Variants in RCAN2 observed in about 807,000 individuals in gnomAD.
RCAN2 encodes the protein calcipressin-2.
RCAN2 carries 9 observed loss-of-function variants against 23.6 expected under a neutral mutation model. That is an observed-to-expected ratio of 0.38 (90% CI 0.23 to 0.67). RCAN2 has a LOEUF of 0.67. Among genes scored for constraint, RCAN2 ranks in the 30% least tolerant of loss-of-function variants. RCAN2 has a pLI of 0.51. For synonymous variants in RCAN2, 109 were observed against 115.7 expected (o/e 0.94, Z 0.37); for missense variants, 273 against 302.3 (o/e 0.90, Z 0.72).
At chr6:46,256,382 T>TAAATAAAATA (rs78198715) in intron 2 of RCAN2, among the ~76,000 whole-genome samples, 101,015 of 147,676 alleles carry the variant, frequency 0.68, 35,929 homozygotes, top group Non-Finnish European at 0.79. Context: ...AAAAGAAAAA[T>TAAATAAAATA]AAATAAAATA....
At chr6:46,316,828 T>G (rs565910568) in intron 2 of RCAN2, among the ~76,000 whole-genome samples, 1 of 152,328 alleles carries the variant, frequency 6.6e-6, no homozygotes, top group Admixed American at 6.5e-5. Context: ...AGTAAAGTCA[T>G]AGAAGATGAA....
chr6:46,408,138 C>CGCCTCTGTCAGATACCTCA (rs1363706716), intron 2 of RCAN2, among the ~76,000 whole-genome samples: 1 of 152,160 alleles, frequency 6.6e-6, no homozygotes, highest in Non-Finnish European at 1.5e-5. Context: ...TTTTCAAGGG[C>CGCCTCTGTCAGATACCTCA]GCCTCTGTCA....
At chr6:46,350,868 C>T (rs1160786684) in intron 2 of RCAN2, among the ~76,000 whole-genome samples, 2 of 152,206 alleles carry the variant, frequency 1.3e-5, no homozygotes, top group East Asian at 3.9e-4. Context: ...GGGAGTCAAA[C>T]CCCAAAAGTC....
chr6:46,474,541 C>T (rs550107351), intron 1 of RCAN2, among the ~76,000 whole-genome samples: 4 of 152,172 alleles, frequency 2.6e-5, no homozygotes, highest in Non-Finnish European at 4.4e-5. Flanking sequence ...CCACCTAAGC[C>T]GCCATCAACA....
intron 2 of RCAN2, among the ~76,000 whole-genome samples, chr6:46,446,275 G>C (rs2150425764): frequency 6.8e-6 from 1 of 146,380 alleles, no homozygotes; most frequent in Middle Eastern, 3.4e-3. Flanking sequence ...TATATTCAAA[G>C]TGATAACCCA....
chr6:46,444,104 G>A (rs6934211), intron 2 of RCAN2, among the ~76,000 whole-genome samples: 1 of 152,148 alleles, frequency 6.6e-6, no homozygotes. Flanking sequence ...GCCTTGAAGG[G>A]CTTCAGGGTC....
intron 2 of RCAN2, among the ~76,000 whole-genome samples, chr6:46,337,022 T>C (rs1764166139): frequency 6.6e-6 from 1 of 151,204 alleles, no homozygotes; most frequent in African/African-American, 2.4e-5. Context: ...GGGTAGATCA[T>C]GGTAACTGTA....
chr6:46,283,802 G>C (rs1271233277), intron 2 of RCAN2, among the ~76,000 whole-genome samples: 1 of 152,172 alleles, frequency 6.6e-6, no homozygotes, highest in Non-Finnish European at 1.5e-5. Context: ...TTAAATATAA[G>C]TATGAATATT....
intron 2 of RCAN2, among the ~76,000 whole-genome samples, chr6:46,271,780 C>T (rs561487889): frequency 1.2e-4 from 18 of 152,214 alleles, no homozygotes; most frequent in Non-Finnish European, 2.1e-4. Flanking sequence ...ATAATGTTCA[C>T]GATTATTCTG....
At chr6:46,461,196 A>T (rs771419667) in intron 1 of RCAN2, among the ~76,000 whole-genome samples, 1 of 152,216 alleles carries the variant, frequency 6.6e-6, no homozygotes, top group Non-Finnish European at 1.5e-5. Flanking sequence ...ATTTTTAAAC[A>T]AAATGGGGGT....
intron 2 of RCAN2, among the ~76,000 whole-genome samples, chr6:46,367,036 T>G (rs1233824824): frequency 8.3e-6 from 1 of 120,952 alleles, no homozygotes; most frequent in African/African-American, 2.9e-5. Flanking sequence ...TATATATATA[T>G]ATATATATAT....
At chr6:46,285,470 T>C (rs746113956) in intron 2 of RCAN2, among the ~76,000 whole-genome samples, 8 of 152,122 alleles carry the variant, frequency 5.3e-5, no homozygotes, top group Non-Finnish European at 1.2e-4. Context: ...AAGTCGCAAA[T>C]AAAGAGGTTC....
rs560657618 is a variant in RCAN2, at chr6:46,380,787, T to A, written c.225+75965A>T. ...TACCTGCCCTTTTAGTTTGGTAGGA[T>A]AATTATGTAGATGTAAAGAGATAAC... is the stretch of plus-strand genomic sequence containing the variant. On this transcript the variant is annotated intron_variant, in intron 2 of 4. Coordinates refer to ENST00000371374, the MANE Select transcript of RCAN2 (RefSeq NM_001251974.2). Among the ~76,000 whole-genome samples the A allele has an allele frequency of 1.5e-4, 23 of 152,324 alleles. 1 individual carries two copies. The East Asian group carries it at 4.4e-3, about 29-fold the overall frequency.
chr6:46,357,871 A>G (rs1764889787), intron 2 of RCAN2, among the ~76,000 whole-genome samples: 1 of 152,190 alleles, frequency 6.6e-6, no homozygotes, highest in Non-Finnish European at 1.5e-5. Flanking sequence ...AATTTAAAGT[A>G]CTTTCGCTTT....
chr6:46,411,550 GA>G (rs1766550175), intron 2 of RCAN2, among the ~76,000 whole-genome samples: 1 of 152,150 alleles, frequency 6.6e-6, no homozygotes, highest in Admixed American at 6.6e-5. Context: ...GACTAGAGAA[GA>G]AAACAGTACA....
rs62400903 is a variant in RCAN2 at position 46,273,978 on chromosome 6, A to C, written c.226-25082T>G. On this transcript the variant is annotated intron_variant, in intron 2 of 4. Coordinates refer to ENST00000371374, the MANE Select transcript of RCAN2 (RefSeq NM_001251974.2). ...CTCTATGAAAGGCTGGGTACATAAG[A>C]TGCTGAGAAAGATGATGAGGAGTCA... 5.9e-3 allele frequency among the ~76,000 whole-genome samples: 891 copies of C among 152,230 alleles called. 4 individuals are homozygous for C. The highest frequency in any genetic ancestry group is 9.4e-3 in the Non-Finnish European group (640 of 68,018).
chr6:46,294,573 T>A (rs1363098243), intron 2 of RCAN2, among the ~76,000 whole-genome samples: 1 of 152,158 alleles, frequency 6.6e-6, no homozygotes, highest in Non-Finnish European at 1.5e-5. Context: ...TTATGGTTCA[T>A]CCATTTCATT....
chr6:46,353,350 T>TG (rs1224834049), intron 2 of RCAN2, among the ~76,000 whole-genome samples: 2 of 151,718 alleles, frequency 1.3e-5, no homozygotes, highest in African/African-American at 4.8e-5. Flanking sequence ...GCTTTTTGGG[T>TG]GTGGGGGAGG....
At chr6:46,246,567 C>T (rs372920083) in intron 4 of RCAN2, among the ~76,000 whole-genome samples, 181 bp downstream of exon 4, 12 of 152,300 alleles carry the variant, frequency 7.9e-5, no homozygotes, top group South Asian at 4.1e-4. Context: ...GCTTTTTGAA[C>T]GGGTGCAAAG....
Sources: gnomAD v4.1 joint callset for allele counts (sites outside exome capture counted in the v4.1 genomes callset) on GRCh38, gnomAD v4.1.1 for gene constraint, MANE v1.5 for transcripts, NCBI Gene and HGNC (gene_info 2026-07-23, HGNC 2026-07-21) for gene names.